The following COL8A2 variants were observed in gnomAD, a reference collection of about 807,000 sequenced individuals.
COL8A2 encodes collagen type VIII alpha 2 chain, also known as collagen alpha-2(VIII) chain.
COL8A2 carries 16 observed loss-of-function variants against 24.0 expected under a neutral mutation model. The ratio of observed to expected loss-of-function variants is 0.67; its 90% confidence interval spans 0.45 to 1.01. The LOEUF is 1.01. Ranked by LOEUF, COL8A2 falls within the 50% of genes least tolerant of loss-of-function variation. The pLI is 0.00. For synonymous variants in COL8A2, 466 were observed against 424.5 expected (o/e 1.10, Z -1.20); for missense variants, 818 against 942.4 (o/e 0.87, Z 1.73).
chr1:36,119,320 G>A (rs950073328), intron 1 of COL8A2, among the ~76,000 whole-genome samples: 1 of 152,224 alleles, frequency 6.6e-6, no homozygotes, highest in African/African-American at 2.4e-5. Context: ...GCCTGGCACA[G>A]TGGTGAACCC....
At chr1:36,107,162 C>T (rs537242073) in intron 2 of COL8A2, among the ~76,000 whole-genome samples, 10 of 152,208 alleles carry the variant, frequency 6.6e-5, no homozygotes, top group East Asian at 5.8e-4. Flanking sequence ...CCAGCACTTT[C>T]GGGAGGCTGC....
rs145727377 is a variant in COL8A2, at chr1:36,108,101, T to C, written c.-17+7607A>G. Reference sequence around the variant, plus strand: ...CACACCAATAACACACTCAGTCCTTTCCTCAGCTTTGCACAGATAAATGTC... The same window carrying C: ...CACACCAATAACACACTCAGTCCTTCCCTCAGCTTTGCACAGATAAATGTC... On this transcript the variant is annotated intron_variant, in intron 2 of 3. Coordinates refer to ENST00000397799, the MANE Select transcript of COL8A2 (RefSeq NM_005202.4). Among the ~76,000 whole-genome samples the C allele has an allele frequency of 7.8e-3, 1,181 of 152,352 alleles. 25 individuals carry two copies. Among genetic ancestry groups the C allele is most frequent in the African/African-American group, 0.027 (1,105 of 41,580 alleles).
At chr1:36,119,868 C>A (rs1643897733) in intron 1 of COL8A2, among the ~76,000 whole-genome samples, 1 of 152,152 alleles carries the variant, frequency 6.6e-6, no homozygotes. Flanking sequence ...GAGAGGCAGG[C>A]TGGCACTGCT....
rs2124073285 is a variant in COL8A2 at position 36,098,964 on chromosome 1, A to G, written c.717T>C (p.Pro239=). 6.2e-7 allele frequency: 1 copy of G among 1,607,450 alleles called. No homozygotes were observed. The highest frequency in any genetic ancestry group is 1.1e-5 in the South Asian group (1 of 90,964). Residue 239 remains proline (P), a synonymous_variant, in exon 4 of 4, where the codon CCT becomes CCC. Coordinates refer to ENST00000397799, the MANE Select transcript of COL8A2 (RefSeq NM_005202.4). ...GLPGPAGLGK[P]GLDGLPGAPG... The stretch of plus-strand genomic sequence containing the variant: ...GGGCCCCAGGAAGCCCATCCAAACC[A>G]GGTTTGCCTAAGCCAGCTGGACCAG...
At chr1:36,104,698 G>A (rs1031460511) in intron 2 of COL8A2, among the ~76,000 whole-genome samples, 7 of 152,196 alleles carry the variant, frequency 4.6e-5, no homozygotes, top group Middle Eastern at 3.4e-3. Flanking sequence ...AGGAGGCTGA[G>A]GCAGGAGAAT....
intron 2 of COL8A2, among the ~76,000 whole-genome samples, chr1:36,103,356 T>C (rs1472206241): frequency 6.6e-6 from 1 of 151,976 alleles, no homozygotes; most frequent in Non-Finnish European, 1.5e-5. Flanking sequence ...CACTGCAAGC[T>C]CCGCCTCCCA....
intron 1 of COL8A2, 84 bp downstream of exon 1, chr1:36,124,973 G>T: frequency 4.1e-6 from 2 of 488,626 alleles, no homozygotes; most frequent in Non-Finnish European, 5.3e-6. Context: ...CTGCTATCCC[G>T]CATGGTGTTG....
At position 36,097,611 on chromosome 1, in the gene COL8A2, G is replaced by A. The variant is rs771901419; in HGVS notation, c.2070C>T (p.Tyr690=). 152 of 1,612,682 alleles carry A rather than the reference G, an allele frequency of 9.4e-5. No individual in the cohort carries two copies. The highest frequency in any genetic ancestry group is 1.3e-4 in the Non-Finnish European group (149 of 1,179,584). Residue 690 remains tyrosine (Y), a synonymous_variant, in exon 4 of 4, where the codon TAC becomes TAT. Transcript: ENST00000397799. ...AGAATCCTGAAAAGGAGGAGTGGAT[G>A]TACTCCGTGGAGTAGAGGCCGTTGG... ...DQANGLYSTE[Y]IHSSFSGFLL... is the part of the protein sequence containing the mutation.
At chr1:36,103,525 G>A (rs1238786512) in intron 2 of COL8A2, among the ~76,000 whole-genome samples, 3 of 151,866 alleles carry the variant, frequency 2.0e-5, no homozygotes, top group South Asian at 4.2e-4. Context: ...TGCCCACCTC[G>A]GCCTCCCAAA....
At chr1:36,113,549 G>T (rs1570050037) in intron 2 of COL8A2, among the ~76,000 whole-genome samples, 11 of 152,234 alleles carry the variant, frequency 7.2e-5, no homozygotes, top group Admixed American at 7.2e-4. Context: ...TTGGCGGGGG[G>T]TCCAGTGCCC....
chr1:36,105,608 C>T (rs886115978), intron 2 of COL8A2, among the ~76,000 whole-genome samples: 3 of 152,188 alleles, frequency 2.0e-5, no homozygotes, highest in Non-Finnish European at 4.4e-5. Flanking sequence ...ATGCTTTACA[C>T]GTAATCCTCA....
chr1:36,121,717 T>A (rs201905257), intron 1 of COL8A2, among the ~76,000 whole-genome samples: 2 of 147,954 alleles, frequency 1.4e-5, no homozygotes, highest in African/African-American at 5.0e-5. Context: ...CAAAAAAAAT[T>A]AAAAAAAAAA....
chr1:36,108,514 C>T (rs938014797), intron 2 of COL8A2, among the ~76,000 whole-genome samples: 1 of 152,216 alleles, frequency 6.6e-6, no homozygotes, highest in Non-Finnish European at 1.5e-5. Flanking sequence ...CAGAGGACGG[C>T]GCAGTGGCGG....
intron 2 of COL8A2, among the ~76,000 whole-genome samples, chr1:36,101,337 T>A (rs1432099158): frequency 6.6e-6 from 1 of 152,180 alleles, no homozygotes; most frequent in African/African-American, 2.4e-5. Flanking sequence ...CCTTAACACT[T>A]CTGGCCTTTG....
intron 2 of COL8A2, among the ~76,000 whole-genome samples, chr1:36,101,032 T>C (rs1321135152): frequency 6.6e-6 from 1 of 151,858 alleles, no homozygotes; most frequent in East Asian, 1.9e-4. Flanking sequence ...TAGCTGGAAT[T>C]ATAGGTGTGT....
Position 36,125,008 on chromosome 1 carries a change from C to T in COL8A2, c.-62+49G>A, listed in dbSNP as rs1183579633. 6 of 823,124 alleles carry T rather than the reference C, an allele frequency of 7.3e-6. No individual in the cohort carries two copies. The highest frequency in any genetic ancestry group is 6.2e-5 in the Admixed American group (1 of 16,056). 51.0% of individuals were successfully genotyped at this position (823,124 alleles called of 1,614,324 possible). On this transcript the variant is annotated intron_variant, in intron 1 of 3. Transcript: ENST00000397799. This position sits in a 1 kb window ranked among gnomAD's most constrained non-coding sequence, Gnocchi z 4.5. Reference sequence around the variant, plus strand: ...GGGGGAAGCCCAGCCCAGGTCTTGCCCTCGGAGCCCCCCAGCCCGAGCCCC... The same window carrying T: ...GGGGGAAGCCCAGCCCAGGTCTTGCTCTCGGAGCCCCCCAGCCCGAGCCCC...
In COL8A2 at chr1:36,095,437, T is replaced by C. The variant is rs1643546649; in HGVS notation, c.*2132A>G. 6.6e-6 allele frequency: 1 copy of C among 152,104 alleles called. No homozygotes were observed. The highest frequency in any genetic ancestry group is 1.5e-5 in the Non-Finnish European group (1 of 68,022). 9.4% of individuals were successfully genotyped at this position (152,104 alleles called of 1,614,324 possible). ...AAGTGAAATGACTAGTGGAAAACAT[T>C]TAAACTTTAATCTTAAAAAAAAAAT... is the stretch of plus-strand genomic sequence containing the variant. On this transcript the variant is annotated 3_prime_UTR_variant, in exon 4 of 4. Transcript: ENST00000397799.
At chr1:36,121,035 G>A (rs1643909264) in intron 1 of COL8A2, among the ~76,000 whole-genome samples, 1 of 151,126 alleles carries the variant, frequency 6.6e-6, no homozygotes, top group African/African-American at 2.4e-5. Context: ...GTTGCAGTGA[G>A]CCAAGATCGC....
Position 36,098,320 on chromosome 1 carries a change from C to T in COL8A2, c.1361G>A (p.Gly454Glu). 6.5e-7 allele frequency: 1 copy of T among 1,548,348 alleles called. No homozygotes were observed. Among genetic ancestry groups the T allele is most frequent in the Non-Finnish European group, 8.7e-7 (1 of 1,146,580 alleles). Residue 454 changes from glycine (G) to glutamate (E), a missense_variant, in exon 4 of 4, where the codon GGG (glycine) becomes GAG (glutamate). Physicochemically the swap from Gly to Glu is moderately conservative, Grantham distance 98. This residue lies in a region of COL8A2 where 573 missense variants were observed against 616.8 expected (regional missense o/e 0.93). Coordinates refer to ENST00000397799, the MANE Select transcript of COL8A2 (RefSeq NM_005202.4). ...LGQKGDLGLPGQPGLRGPSGI... is the reference protein window; with the variant it reads ...LGQKGDLGLPEQPGLRGPSGI... ...TGAGGGACCCCTCAGGCCAGGCTGC[C>T]CAGGGAGCCCCAAGTCACCTTTCTG...
Sources: gnomAD v4.1 joint callset for allele counts (sites outside exome capture counted in the v4.1 genomes callset) on GRCh38, gnomAD v4.1.1 for gene constraint, gnomAD v4.1.1 regional missense constraint, Gnocchi (gnomAD v3.1) non-coding constraint, MANE v1.5 for transcripts, NCBI Gene and HGNC (gene_info 2026-07-23, HGNC 2026-07-21) for gene names.